The following CLEC19A variants were observed in gnomAD, a reference collection of about 807,000 sequenced individuals.
CLEC19A encodes the protein C-type lectin domain containing 19A, also known as C-type lectin domain family 19 member A.
In CLEC19A, 21 loss-of-function variants were observed where a neutral mutation model predicts 26.1. The ratio of observed to expected loss-of-function variants is 0.80; its 90% CI spans 0.57 to 1.16. The LOEUF (loss-of-function observed/expected upper bound fraction) is 1.16, where lower values mean the gene tolerates loss of function less well. CLEC19A is among the 50% of genes most tolerant of loss of function. The pLI, the probability that CLEC19A is intolerant of heterozygous loss-of-function variation, is 0.00. For synonymous variants in CLEC19A, 89 were observed against 88.6 expected, an observed-to-expected ratio of 1.00 and a Z score of -0.03; for missense variants, 224 against 227.6, an observed-to-expected ratio of 0.98 and a Z score of 0.10.
chr16:19,307,477 T>C, intron 3 of CLEC19A, 68 bp from the exon 4 acceptor site: 1 of 1,531,846 alleles, frequency 6.5e-7, no homozygotes, highest in Non-Finnish European at 8.8e-7. Flanking sequence ...GAGCTGGAGC[T>C]GCCTGGCTCA....
chr16:19,290,023 T>C (rs1008484946), intron 1 of CLEC19A, among the ~76,000 whole-genome samples: 1 of 152,080 alleles, frequency 6.6e-6, no homozygotes. Context: ...CCAAGACTGA[T>C]CTGGGCAGGA....
chr16:19,300,798 T>C (rs1023982020), intron 2 of CLEC19A, among the ~76,000 whole-genome samples: 1 of 152,098 alleles, frequency 6.6e-6, no homozygotes, highest in Non-Finnish European at 1.5e-5. Context: ...TAGAGATACA[T>C]AGGAGCAGAA....
At chr16:19,292,947 G>T (rs1897620736) in intron 1 of CLEC19A, among the ~76,000 whole-genome samples, 1 of 152,166 alleles carries the variant, frequency 6.6e-6, no homozygotes, top group Admixed American at 6.5e-5. Flanking sequence ...CAAGGAGGAA[G>T]AATGCCTCTG....
At chr16:19,298,596 G>C (rs1897753087) in intron 1 of CLEC19A, 77 bp from the exon 2 acceptor site, 3 of 1,413,232 alleles carry the variant, frequency 2.1e-6, no homozygotes, top group Non-Finnish European at 2.8e-6. Context: ...GTAAAGAAAA[G>C]AAAATAGGTT....
chr16:19,286,560 G>A (rs1402799881), intron 1 of CLEC19A, among the ~76,000 whole-genome samples: 1 of 152,190 alleles, frequency 6.6e-6, no homozygotes, highest in Non-Finnish European at 1.5e-5. Flanking sequence ...TGGAGGGTGA[G>A]GGTCTTCAAA....
At chr16:19,296,739 TC>T (rs1897713209) in intron 1 of CLEC19A, among the ~76,000 whole-genome samples, 1 of 152,188 alleles carries the variant, frequency 6.6e-6, no homozygotes, top group Non-Finnish European at 1.5e-5. Context: ...TAACAAATGC[TC>T]AATGAATGCT....
chr16:19,300,441 G>A (rs775123430), intron 2 of CLEC19A, among the ~76,000 whole-genome samples: 3 of 151,630 alleles, frequency 2.0e-5, no homozygotes, highest in Non-Finnish European at 4.4e-5. Context: ...CCAGCTACTC[G>A]GTAGGCTAAG....
chr16:19,301,569 T>A (rs1410867474), intron 2 of CLEC19A, among the ~76,000 whole-genome samples: 1 of 151,818 alleles, frequency 6.6e-6, no homozygotes, highest in Non-Finnish European at 1.5e-5. Context: ...CTGATCTTTA[T>A]TTATTTATTT....
At chr16:19,290,400 G>C (rs943081350) in intron 1 of CLEC19A, among the ~76,000 whole-genome samples, 2 of 144,844 alleles carry the variant, frequency 1.4e-5, no homozygotes, top group Non-Finnish European at 3.0e-5. Flanking sequence ...TCAAGTTCCC[G>C]GCCATGCTAA....
intron 1 of CLEC19A, among the ~76,000 whole-genome samples, chr16:19,298,021 C>T (rs1011460832): frequency 2.6e-5 from 4 of 151,742 alleles, no homozygotes; most frequent in African/African-American, 9.7e-5. Flanking sequence ...GAGGCCGAGG[C>T]GGGCGGATCA....
At chr16:19,307,508 G>T (rs1897981563) in intron 3 of CLEC19A, 37 bp from the exon 4 acceptor site, 1 of 1,545,290 alleles carries the variant, frequency 6.5e-7, no homozygotes, top group Non-Finnish European at 8.7e-7. Flanking sequence ...CTTCTTCTTG[G>T]CTTGCTTCTT....
intron 1 of CLEC19A, among the ~76,000 whole-genome samples, chr16:19,296,066 G>A (rs1007946051): frequency 1.3e-5 from 2 of 152,170 alleles, no homozygotes; most frequent in Admixed American, 1.3e-4. Context: ...TTGACATATA[G>A]AAGAGGATTA....
intron 1 of CLEC19A, 66 bp from the exon 2 acceptor site, chr16:19,298,607 C>A: frequency 1.4e-6 from 2 of 1,468,726 alleles, no homozygotes; most frequent in Non-Finnish European, 9.2e-7. Flanking sequence ...AAAATAGGTT[C>A]TAAGCTATGG....
chr16:19,304,105 G>A lies in CLEC19A; in HGVS notation c.298G>A (p.Val100Ile). 1.3e-6 allele frequency: 2 copies of A among 1,550,592 alleles called. No homozygotes were observed. The highest frequency in any genetic ancestry group is 2.4e-5 in the East Asian group (1 of 40,920). ...TGTATATGACCTCGTGAACAGCTGTGTTCCCGGCATCCCAGCTGACGTCTG... is the reference window on the plus strand; with the variant it reads ...TGTATATGACCTCGTGAACAGCTGTATTCCCGGCATCCCAGCTGACGTCTG... The part of the protein sequence containing the change: ...VFVYDLVNSC[V>I]PGIPADVWTG... The change falls in exon 3 of 5, where the codon GTT (valine) becomes ATT (isoleucine). Residue 100 changes from valine (V) to isoleucine (I), a missense_variant. Physicochemically the swap from Val to Ile is conservative, Grantham distance 29. Transcript: ENST00000636231.
intron 1 of CLEC19A, among the ~76,000 whole-genome samples, chr16:19,287,425 T>A (rs369333381): frequency 6.6e-6 from 1 of 152,050 alleles, no homozygotes; most frequent in African/African-American, 2.4e-5. Context: ...TACCATCACA[T>A]TGGGAGTCAG....
chr16:19,299,961 C>T (rs1465933389), intron 2 of CLEC19A, among the ~76,000 whole-genome samples: 2 of 152,156 alleles, frequency 1.3e-5, no homozygotes, highest in African/African-American at 2.4e-5. Context: ...TGTTGGCTCA[C>T]GCCTGTAATC....
intron 2 of CLEC19A, among the ~76,000 whole-genome samples, chr16:19,302,486 ATGT>A (rs1161122992): frequency 5.3e-5 from 8 of 152,214 alleles, no homozygotes; most frequent in Non-Finnish European, 1.0e-4. Context: ...GAGCAGATAC[ATGT>A]TGTTGCAACA....
At chr16:19,305,141 A>G (rs1897924342) in intron 3 of CLEC19A, 1 of 152,456 alleles carries the variant, frequency 6.6e-6, no homozygotes, top group Admixed American at 6.5e-5. Flanking sequence ...GGGGCTGTCC[A>G]TCATCAACTC....
At chr16:19,308,884 G>A (rs1898009664) in intron 4 of CLEC19A, 120 bp from the exon 5 acceptor site, 2 of 716,422 alleles carry the variant, frequency 2.8e-6, no homozygotes, top group Admixed American at 2.3e-5. Flanking sequence ...CAGCAAGAAA[G>A]GGCTGCCAGC....
Sources: gnomAD v4.1 joint callset for allele counts (sites outside exome capture counted in the v4.1 genomes callset) on GRCh38, gnomAD v4.1.1 for gene constraint, MANE v1.5 for transcripts, NCBI Gene and HGNC (gene_info 2026-07-23, HGNC 2026-07-21) for gene names.